ERC2: variants seen among roughly 807,000 people sequenced by gnomAD.
The protein encoded by ERC2 is ERC protein 2.
ERC2 carries 42 observed loss-of-function variants against 114.8 expected under a neutral mutation model. The observed-to-expected ratio is 0.37, with a 90% confidence interval of 0.29 to 0.47. ERC2 has a LOEUF of 0.47. Among genes scored for constraint, ERC2 ranks in the 20% least tolerant of loss-of-function variants. The pLI, the probability that ERC2 is intolerant of heterozygous loss-of-function variation, is 0.99. For synonymous variants in ERC2, 454 were observed against 425.5 expected (o/e 1.07, Z -0.82); for missense variants, 939 against 1,150.7 (o/e 0.82, Z 2.66).
intron 15 of ERC2, 88 bp downstream of exon 15, chr3:55,734,683 A>G: frequency 1.3e-6 from 2 of 1,498,118 alleles, no homozygotes; most frequent in Non-Finnish European, 1.8e-6. Flanking sequence ...CAGGATGGAC[A>G]TGGGAAAATG....
intron 15 of ERC2, among the ~76,000 whole-genome samples, chr3:55,710,656 C>G (rs2063733221): frequency 6.6e-6 from 1 of 152,136 alleles, no homozygotes; most frequent in Non-Finnish European, 1.5e-5. Flanking sequence ...AAACTTGAAT[C>G]TGAACAAAAA....
At chr3:55,775,822 C>A (rs369442264) in intron 14 of ERC2, among the ~76,000 whole-genome samples, 1 of 152,142 alleles carries the variant, frequency 6.6e-6, no homozygotes, top group Non-Finnish European at 1.5e-5. Flanking sequence ...CTTTTCCCTG[C>A]GAACTTCTGC....
At chr3:56,243,831 T>A (rs189669787) in intron 3 of ERC2, among the ~76,000 whole-genome samples, 1 of 152,232 alleles carries the variant, frequency 6.6e-6, no homozygotes, top group African/African-American at 2.4e-5. Context: ...CTAAGTGATG[T>A]ATCTGAGAGC....
Position 55,562,302 on chromosome 3 carries a change from G to A in ERC2, c.*40-51026C>T, listed in dbSNP as rs141876572. On this transcript the variant is annotated intron_variant, in intron 17 of 17. Transcript: ENST00000288221. The stretch of plus-strand genomic sequence containing the variant: ...CGAGTAGCTGGGATTACAGTTGCCC[G>A]CCACCATGCCCAGCTAATTTTTGTA... Among the ~76,000 whole-genome samples the A allele has an allele frequency of 2.5e-3, 387 of 152,002 alleles. 3 individuals carry two copies. Among genetic ancestry groups the A allele is most frequent in the African/African-American group, 8.7e-3 (362 of 41,448 alleles).
intron 7 of ERC2, among the ~76,000 whole-genome samples, chr3:56,059,227 A>T (rs1376832937): frequency 2.6e-5 from 4 of 151,914 alleles, no homozygotes; most frequent in Admixed American, 2.6e-4. Context: ...AGTAGCTAGG[A>T]CTATTGGCGC....
chr3:56,292,222 A>C (rs185350495), intron 3 of ERC2, among the ~76,000 whole-genome samples: 79 of 152,186 alleles, frequency 5.2e-4, no homozygotes, highest in Admixed American at 9.8e-4. Context: ...TTTTTCTCTC[A>C]TAACACATAT....
chr3:56,170,254 C>A lies in ERC2; in HGVS notation c.1149+3192G>T, dbSNP rs1032545928. Reference sequence around the variant, plus strand: ...AGGTAACTTCAGCCCCCAGGCTCAACTGGCTGCAGTGGATGTAATGTCTGC... The same window carrying A: ...AGGTAACTTCAGCCCCCAGGCTCAAATGGCTGCAGTGGATGTAATGTCTGC... On this transcript the variant is annotated intron_variant, in intron 4 of 17. Transcript: ENST00000288221. 9.8e-5 allele frequency among the ~76,000 whole-genome samples: 15 copies of A among 152,342 alleles called. No individual in the cohort carries two copies. The East Asian group carries it at 2.9e-3, about 29-fold the overall frequency.
chr3:55,777,930 T>A (rs1240278692), intron 14 of ERC2, among the ~76,000 whole-genome samples: 1 of 152,224 alleles, frequency 6.6e-6, no homozygotes, highest in Non-Finnish European at 1.5e-5. Flanking sequence ...TTTGTTAGGT[T>A]TTTTATTTTC....
At chr3:55,755,807 A>G (rs1015513484) in intron 14 of ERC2, among the ~76,000 whole-genome samples, 4 of 152,188 alleles carry the variant, frequency 2.6e-5, no homozygotes, top group Non-Finnish European at 5.9e-5. Context: ...AATTTTTTAA[A>G]TTAAACGTAC....
chr3:56,367,374 C>T (rs1348796303), intron 2 of ERC2, among the ~76,000 whole-genome samples: 1 of 151,952 alleles, frequency 6.6e-6, no homozygotes, highest in Non-Finnish European at 1.5e-5. Flanking sequence ...GATTCATTTC[C>T]CTAGTAAATT....
At chr3:55,827,156 C>A (rs118131433) in intron 14 of ERC2, among the ~76,000 whole-genome samples, 1 of 151,930 alleles carries the variant, frequency 6.6e-6, no homozygotes, top group African/African-American at 2.4e-5. Flanking sequence ...GCATGTGATT[C>A]CTGGCCTTTT....
At chr3:56,175,857 A>C (rs989961732) in intron 3 of ERC2, among the ~76,000 whole-genome samples, 7 of 152,192 alleles carry the variant, frequency 4.6e-5, no homozygotes, top group Non-Finnish European at 1.0e-4. Context: ...TTTAATTGTG[A>C]GTTTGTACAT....
chr3:55,964,163 A>C (rs1406023264), intron 12 of ERC2, among the ~76,000 whole-genome samples: 1 of 152,242 alleles, frequency 6.6e-6, no homozygotes, highest in African/African-American at 2.4e-5. Context: ...TAAACACTGT[A>C]AAAATATAAT....
intron 2 of ERC2, among the ~76,000 whole-genome samples, chr3:56,415,938 T>C (rs1266791164): frequency 6.6e-6 from 1 of 152,220 alleles, no homozygotes; most frequent in Non-Finnish European, 1.5e-5. Flanking sequence ...TCATGAGTCA[T>C]AACAGCATTG....
chr3:55,977,203 G>A (rs1329202175), intron 12 of ERC2, among the ~76,000 whole-genome samples: 1 of 152,142 alleles, frequency 6.6e-6, no homozygotes, highest in Non-Finnish European at 1.5e-5. Context: ...GAAACCACAG[G>A]ACAATTGTTC....
chr3:55,820,279 T>C (rs2060073239), intron 14 of ERC2, among the ~76,000 whole-genome samples: 1 of 151,976 alleles, frequency 6.6e-6, no homozygotes, highest in Non-Finnish European at 1.5e-5. Flanking sequence ...CATAAGGGAG[T>C]AAATACTTTG....
intron 17 of ERC2, among the ~76,000 whole-genome samples, chr3:55,595,863 T>C (rs2058101470): frequency 6.6e-6 from 1 of 152,188 alleles, no homozygotes; most frequent in South Asian, 2.1e-4. Flanking sequence ...CAATAAAGTG[T>C]AGGTCTTAGC....
intron 2 of ERC2, among the ~76,000 whole-genome samples, chr3:56,305,581 A>AAAATAAAT (rs2056171921): frequency 1.3e-5 from 2 of 151,880 alleles, no homozygotes; most frequent in South Asian, 4.2e-4. Context: ...AGCAGCAGCA[A>AAAATAAAT]AAATAAATAA....
chr3:56,458,891 G>C (rs1479802422), intron 1 of ERC2, among the ~76,000 whole-genome samples: 2 of 152,184 alleles, frequency 1.3e-5, no homozygotes, highest in Non-Finnish European at 2.9e-5. Context: ...CCCGCCCCTT[G>C]AACCACGACT....
Sources: gnomAD v4.1 joint callset for allele counts (sites outside exome capture counted in the v4.1 genomes callset) on GRCh38, gnomAD v4.1.1 for gene constraint, MANE v1.5 for transcripts, NCBI Gene and HGNC (gene_info 2026-07-23, HGNC 2026-07-21) for gene names.